The following ZNF254 variants were observed in gnomAD, a reference collection of about 807,000 sequenced individuals.
ZNF254 encodes the protein CTD-2017D11.1.
ZNF254 carries 10 observed loss-of-function variants against 12.4 expected under a neutral mutation model. That is an observed-to-expected ratio of 0.80 (90% CI 0.50 to 1.36). ZNF254 has a LOEUF of 1.36. ZNF254 is among the 40% of genes most tolerant of loss of function. The pLI, the probability that ZNF254 is intolerant of heterozygous loss-of-function variation, is 0.00. For missense variants in ZNF254, 996 were observed against 763.9 expected, an observed-to-expected ratio of 1.30 and a Z score of -3.58; for synonymous variants, 305 against 253.4, an observed-to-expected ratio of 1.20 and a Z score of -1.93.
chr19:24,034,521 A>G (rs1462648122), intron 1 of ZNF254, among the ~76,000 whole-genome samples: 2 of 111,996 alleles, frequency 1.8e-5, no homozygotes, highest in African/African-American at 7.0e-5. Flanking sequence ...CTTTTGTGCC[A>G]GAGTCTCATT....
intron 2 of ZNF254, among the ~76,000 whole-genome samples, chr19:24,075,796 G>A (rs1049065899): frequency 6.6e-6 from 1 of 152,184 alleles, no homozygotes; most frequent in Non-Finnish European, 1.5e-5. Context: ...GGAGACCAGG[G>A]TGTATTTTAT....
At chr19:24,092,213 A>G (rs1294990357) in intron 1 of ZNF254, among the ~76,000 whole-genome samples, 8 of 140,830 alleles carry the variant, frequency 5.7e-5, no homozygotes. Flanking sequence ...TGTTGCCCTG[A>G]GTGGAGTGCA....
At chr19:24,099,604 C>T (rs945498374) in intron 1 of ZNF254, among the ~76,000 whole-genome samples, 1 of 152,206 alleles carries the variant, frequency 6.6e-6, no homozygotes, top group African/African-American at 2.4e-5. Flanking sequence ...AAGTTGCAAA[C>T]TACCTTCTGT....
intron 3 of ZNF254, among the ~76,000 whole-genome samples, chr19:24,115,066 C>G (rs865781540): frequency 1.3e-5 from 2 of 152,212 alleles, no homozygotes; most frequent in Admixed American, 6.5e-5. Flanking sequence ...AACACTTTTA[C>G]ACTGTTGGTG....
intron 3 of ZNF254, among the ~76,000 whole-genome samples, chr19:24,124,673 A>G (rs1974708677): frequency 6.6e-6 from 1 of 151,962 alleles, no homozygotes; most frequent in African/African-American, 2.4e-5. Context: ...TCATGACTAC[A>G]TCACACAGTT....
chr19:24,077,792 G>A (rs1270488864), intron 2 of ZNF254, among the ~76,000 whole-genome samples: 1 of 152,166 alleles, frequency 6.6e-6, no homozygotes, highest in Non-Finnish European at 1.5e-5. Flanking sequence ...GTGTCTAAAG[G>A]AGTGGAGGGC....
Position 24,110,440 on chromosome 19 carries a change from A to G in ZNF254, c.253+3797A>G, listed in dbSNP as rs185058468. Among the ~76,000 whole-genome samples the G allele has an allele frequency of 2.0e-3, 308 of 152,070 alleles. 1 individual carries two copies. The highest frequency in any genetic ancestry group is 7.2e-3 in the African/African-American group (299 of 41,492). On this transcript the variant is annotated intron_variant, in intron 3 of 3. Transcript: ENST00000357002. The stretch of plus-strand genomic sequence containing the variant: ...GAAATAGCCAGGCATGGTGGTGTAC[A>G]CCTGTGGTCCCAGCTACTTGAGAGA...
intron 2 of ZNF254, chr19:24,080,333 G>A (rs1232566367): frequency 1.3e-5 from 2 of 152,194 alleles, no homozygotes; most frequent in Non-Finnish European, 2.9e-5. Context: ...CATAAATCAG[G>A]TTGCACACTG....
At chr19:24,104,732 G>A (rs2145797922) in intron 1 of ZNF254, 1 of 152,292 alleles carries the variant, frequency 6.6e-6, no homozygotes, top group South Asian at 2.1e-4. Flanking sequence ...GATGAACATG[G>A]AGAGGGGTGG....
chr19:24,094,929 C>T (rs997680123), intron 1 of ZNF254, among the ~76,000 whole-genome samples: 2 of 152,178 alleles, frequency 1.3e-5, no homozygotes, highest in African/African-American at 4.8e-5. Context: ...TCAGGGGATC[C>T]ACCTGCCTTG....
Position 24,127,241 on chromosome 19 carries a change from G to T in ZNF254, c.1241G>T (p.Gly414Val), listed in dbSNP as rs1020274212. The change falls in exon 4 of 4, where the codon GGT (glycine) becomes GTT (valine). Residue 414 changes from glycine (G) to valine (V), a missense_variant. Physicochemically the swap from Gly to Val is moderately radical, Grantham distance 109. Transcript: ENST00000357002. Reference sequence around the variant, plus strand: ...TACAAATGTGAAGAATGCGGCAAAGGTTTTAATCGATCTTCAAATCTTACT... The same window carrying T: ...TACAAATGTGAAGAATGCGGCAAAGTTTTTAATCGATCTTCAAATCTTACT... ...KLYKCEECGK[G>V]FNRSSNLTTH... 4 of 1,608,606 alleles carry T rather than the reference G, an allele frequency of 2.5e-6. No individual in the cohort carries two copies. The highest frequency in any genetic ancestry group is 1.7e-5 in the Admixed American group (1 of 59,332).
intron 1 of ZNF254, among the ~76,000 whole-genome samples, chr19:24,041,515 C>T (rs562256061): frequency 1.1e-4 from 16 of 152,370 alleles, no homozygotes; most frequent in East Asian, 9.6e-4. Context: ...ACCGGCGCTA[C>T]GCTCGATTTC....
intron 1 of ZNF254, among the ~76,000 whole-genome samples, chr19:24,037,518 C>T (rs965213392): frequency 2.0e-5 from 3 of 152,222 alleles, no homozygotes; most frequent in African/African-American, 7.2e-5. Context: ...ACTGCAACCT[C>T]CACCTCCTGG....
Position 24,067,706 on chromosome 19 carries a change from C to G in ZNF254, c.-94+21427C>G, listed in dbSNP as rs1971328613. On this transcript the variant is annotated intron_variant, in intron 2 of 4. Transcript: ENST00000613065. Reference sequence around the variant, plus strand: ...TTTAGGTGATACGACCCTTCCTCTACTGCTTGGACTCTGACCAAAAAGGGA... The same window carrying G: ...TTTAGGTGATACGACCCTTCCTCTAGTGCTTGGACTCTGACCAAAAAGGGA... Among the ~76,000 whole-genome samples the G allele has an allele frequency of 2.0e-5, 3 of 152,042 alleles. No homozygotes were observed. The South Asian group carries it at 6.2e-4, about 32-fold the overall frequency.
intron 2 of ZNF254, among the ~76,000 whole-genome samples, chr19:24,047,275 T>TC (rs757310186): frequency 2.0e-5 from 3 of 151,958 alleles, no homozygotes; most frequent in Non-Finnish European, 4.4e-5. Context: ...TCTCTCTTCC[T>TC]CCTTCTCTCT....
At chr19:24,123,832 ACTTT>A (rs1398010785) in intron 3 of ZNF254, among the ~76,000 whole-genome samples, 2 of 152,112 alleles carry the variant, frequency 1.3e-5, no homozygotes, top group Non-Finnish European at 2.9e-5. Context: ...TGGAATGTCT[ACTTT>A]CTTCCTGCCT....
At position 24,128,202 on chromosome 19, in the gene ZNF254, A is replaced by G. The variant is rs751534840; in HGVS notation, c.*222A>G. The G allele has an allele frequency of 4.2e-5, 20 of 480,022 alleles. No homozygotes were observed. Among genetic ancestry groups the G allele is most frequent in the Admixed American group, 1.2e-4 (3 of 26,032 alleles). The allele number at this position is 480,022 out of a possible 1,614,324, so 29.7% of individuals were successfully genotyped here. A position where few individuals can be genotyped will look rare whatever the true frequency, so the allele number is the denominator to read the frequency against. On this transcript the variant is annotated 3_prime_UTR_variant, in exon 4 of 4. Transcript: ENST00000357002. ...GTAGGTAAGATAATTCATACTGGAG[A>G]AAACTACCAGTGTGAACAACGTGGC...
intron 1 of ZNF254, among the ~76,000 whole-genome samples, chr19:24,041,658 GGC>G (rs531436308): frequency 6.6e-6 from 1 of 152,354 alleles, no homozygotes; most frequent in East Asian, 1.9e-4. Context: ...CCTGCTCCAC[GGC>G]GCCCAGTCCC....
At chr19:24,118,177 C>T (rs2145928310) in intron 3 of ZNF254, among the ~76,000 whole-genome samples, 1 of 151,948 alleles carries the variant, frequency 6.6e-6, no homozygotes, top group East Asian at 1.9e-4. Flanking sequence ...TCTCAGCCTC[C>T]TTAGTAACTG....
Sources: gnomAD v4.1 joint callset for allele counts (sites outside exome capture counted in the v4.1 genomes callset) on GRCh38, gnomAD v4.1.1 for gene constraint, MANE v1.5 for transcripts, NCBI Gene and HGNC (gene_info 2026-07-23, HGNC 2026-07-21) for gene names.